Variants in PECAM1 observed in about 807,000 individuals in gnomAD.
PECAM1 encodes platelet endothelial cell adhesion molecule.
Under a neutral mutation model 13.8 loss-of-function variants are expected in PECAM1, and 8 were observed. The ratio of observed to expected loss-of-function variants is 0.58; its 90% confidence interval spans 0.34 to 1.05. PECAM1 has a LOEUF of 1.05. Among genes scored for constraint, PECAM1 ranks in the 50% least tolerant of loss-of-function variants. The probability of loss-of-function intolerance (pLI) is 0.03; values close to 1 mark genes in which losing one functional copy is unlikely to be tolerated. For missense variants in PECAM1, 304 were observed against 141.2 expected, an observed-to-expected ratio of 2.15 and a Z score of -5.84; for synonymous variants, 136 against 52.6, an observed-to-expected ratio of 2.58 and a Z score of -6.86.
intron 4 of PECAM1, among the ~76,000 whole-genome samples, chr17:64,373,549 T>C (rs1210066830): frequency 1.3e-5 from 2 of 150,540 alleles, no homozygotes; most frequent in African/African-American, 5.0e-5. Context: ...TGTGTGTGTG[T>C]GTGTGGCTGG....
At chr17:64,348,407 CTT>C (rs869282884) in intron 12 of PECAM1, 85 bp from the exon 13 acceptor site, 8,432 of 289,650 alleles carry the variant, frequency 0.029, no homozygotes, top group East Asian at 0.052. Flanking sequence ...ACTTTCTTTT[CTT>C]TTTTTTTTTT....
chr17:64,352,316 C>T, intron 11 of PECAM1, 74 bp downstream of exon 11: 1 of 448,724 alleles, frequency 2.2e-6, no homozygotes, highest in South Asian at 9.0e-5. Flanking sequence ...CTTACATATT[C>T]TGCTTCTGAG....
intron 14 of PECAM1, among the ~76,000 whole-genome samples, chr17:64,334,020 G>T (rs979274335): frequency 3.3e-5 from 5 of 149,524 alleles, no homozygotes; most frequent in Non-Finnish European, 7.4e-5. Flanking sequence ...GCCACAGAGA[G>T]TCAATAGGGA....
At chr17:64,351,922 T>C (rs1229529317) in intron 11 of PECAM1, among the ~76,000 whole-genome samples, 1 of 152,208 alleles carries the variant, frequency 6.6e-6, no homozygotes, top group Non-Finnish European at 1.5e-5. Context: ...TATGAATAGA[T>C]ATTTCTTAGT....
intron 14 of PECAM1, among the ~76,000 whole-genome samples, chr17:64,335,290 T>C (rs1363144191): frequency 6.6e-6 from 1 of 151,542 alleles, no homozygotes; most frequent in Admixed American, 6.6e-5. Flanking sequence ...GTAGATAGGA[T>C]CTACTTAGGA....
chr17:64,339,557 G>T (rs1469981675), intron 14 of PECAM1, among the ~76,000 whole-genome samples: 1 of 151,402 alleles, frequency 6.6e-6, no homozygotes, highest in African/African-American at 2.4e-5. Flanking sequence ...TGCACAATGG[G>T]AGCAACCTTG....
At chr17:64,386,403 C>CAA (rs59994359) in intron 2 of PECAM1, among the ~76,000 whole-genome samples, 2,889 of 112,956 alleles carry the variant, frequency 0.026, 59 homozygotes, top group African/African-American at 0.052. Context: ...GAGACTCTGT[C>CAA]AAAAAAAAAA....
intron 15 of PECAM1, among the ~76,000 whole-genome samples, chr17:64,325,344 C>T (rs1039626595): frequency 2.0e-5 from 3 of 152,058 alleles, no homozygotes; most frequent in South Asian, 2.1e-4. Flanking sequence ...GCCAAGATTG[C>T]GCCACTGCAC....
intron 7 of PECAM1, among the ~76,000 whole-genome samples, chr17:64,357,996 T>C (rs7503858): frequency 1.6e-4 from 25 of 152,034 alleles, no homozygotes; most frequent in African/African-American, 6.0e-4. Flanking sequence ...CTACTCCTGA[T>C]ACTGGCACCT....
chr17:64,390,683 C>T lies in PECAM1; in HGVS notation c.-18G>A. The T allele has an allele frequency of 2.2e-6, 1 of 457,342 alleles. No individual in the cohort carries two copies. Among genetic ancestry groups the T allele is most frequent in the Non-Finnish European group, 4.0e-6 (1 of 250,318 alleles). The allele number at this position is 457,342 out of a possible 1,614,324, so 28.3% of individuals were successfully genotyped here. ...GGCTGCATCCTGAGAGTGAAGACTGCAGGCACAGTTAGTTCTGCCTTCGGG... is the reference window on the plus strand; with the variant it reads ...GGCTGCATCCTGAGAGTGAAGACTGTAGGCACAGTTAGTTCTGCCTTCGGG... On this transcript the variant is annotated 5_prime_UTR_variant, in exon 1 of 16. Transcript: ENST00000563924.
In PECAM1 at chr17:64,322,062, T is replaced by C. The variant is rs2034820126; in HGVS notation, c.*1754A>G. 8.7e-7 allele frequency: 1 copy of C among 1,145,572 alleles called. No homozygotes were observed. Among genetic ancestry groups the C allele is most frequent in the South Asian group, 1.7e-5 (1 of 57,812 alleles). The allele number at this position is 1,145,572 out of a possible 1,614,324, so 71.0% of individuals were successfully genotyped here. ...TGTGTTGGGGAAAGGAACCAACAGC[T>C]TTCATCATATTGTCAAAAGAGTCTA... On this transcript the variant is annotated 3_prime_UTR_variant, in exon 16 of 16. Coordinates refer to ENST00000563924, the MANE Select transcript of PECAM1 (RefSeq NM_000442.5).
chr17:64,382,129 A>C (rs1199244833), intron 2 of PECAM1, among the ~76,000 whole-genome samples: 2 of 152,112 alleles, frequency 1.3e-5, no homozygotes, highest in Non-Finnish European at 2.9e-5. Context: ...TTTGGACCAT[A>C]TTAATTTCTC....
At chr17:64,362,340 A>T (rs2036001508) in intron 6 of PECAM1, among the ~76,000 whole-genome samples, 1 of 152,190 alleles carries the variant, frequency 6.6e-6, no homozygotes. Flanking sequence ...CAGGATACAG[A>T]TTTAAAAAAT....
In PECAM1 at chr17:64,322,196, G is replaced by A; in HGVS notation, c.*1620C>T. ...AGGTCAGGCATTCGAGATCAGCCTG[G>A]CCAACGTGGTGAAACCCCATCTCTA... On this transcript the variant is annotated 3_prime_UTR_variant, in exon 16 of 16. Coordinates refer to ENST00000563924, the MANE Select transcript of PECAM1 (RefSeq NM_000442.5). The A allele has an allele frequency of 1.9e-6, 1 of 537,620 alleles. No homozygotes were observed. Among genetic ancestry groups the A allele is most frequent in the Non-Finnish European group, 2.4e-6 (1 of 416,444 alleles). 33.3% of individuals were successfully genotyped at this position (537,620 alleles called of 1,614,324 possible).
chr17:64,337,907 TCTTC>T (rs1187778879), intron 14 of PECAM1, among the ~76,000 whole-genome samples: 1 of 149,492 alleles, frequency 6.7e-6, no homozygotes, highest in East Asian at 1.9e-4. Context: ...AGAAACTACT[TCTTC>T]CTTTTTTTTT....
chr17:64,356,000 CT>C, intron 8 of PECAM1, 110 bp downstream of exon 8: 2 of 463,624 alleles, frequency 4.3e-6, no homozygotes, highest in Non-Finnish European at 7.8e-6. Flanking sequence ...CTCTCCTAGC[CT>C]TCAGTCACAT....
At chr17:64,326,263 A>G (rs928968739) in intron 15 of PECAM1, among the ~76,000 whole-genome samples, 5 of 152,216 alleles carry the variant, frequency 3.3e-5, no homozygotes, top group Non-Finnish European at 5.9e-5. Flanking sequence ...GAACTCAGCA[A>G]GGCAGAAGCT....
intron 2 of PECAM1, among the ~76,000 whole-genome samples, chr17:64,389,771 G>C (rs2143929545): frequency 6.6e-6 from 1 of 152,248 alleles, no homozygotes; most frequent in African/African-American, 2.4e-5. Flanking sequence ...TGTGAGGCCG[G>C]GCGCGGTGGC....
chr17:64,382,923 C>T (rs1029407072), intron 2 of PECAM1, among the ~76,000 whole-genome samples: 5,894 of 151,998 alleles, frequency 0.039, 381 homozygotes, highest in African/African-American at 0.14. Flanking sequence ...GCCTGTAATC[C>T]CATCTACTCG....
Sources: allele counts gnomAD v4.1 joint callset (sites outside exome capture counted in the v4.1 genomes callset), GRCh38; gene constraint gnomAD v4.1.1; transcripts MANE v1.5; gene names NCBI Gene and HGNC (gene_info 2026-07-23, HGNC 2026-07-21).